LY75: variants seen among roughly 807,000 people sequenced by gnomAD.
LY75 encodes the protein lymphocyte antigen 75.
A neutral mutation model predicts 231.7 loss-of-function variants in LY75; 185 were observed. The observed-to-expected ratio is 0.80, with a 90% CI of 0.71 to 0.90. LY75 has a LOEUF of 0.90. Among genes scored for constraint, LY75 ranks in the 40% least tolerant of loss-of-function variants. The pLI is 0.00. For missense variants in LY75, 1,947 were observed against 2,050.2 expected (o/e 0.95, Z 0.97); for synonymous variants, 668 against 689.0 (o/e 0.97, Z 0.48).
intron 28 of LY75, among the ~76,000 whole-genome samples, chr2:159,825,949 C>T (rs887625615): frequency 1.3e-5 from 2 of 152,096 alleles, no homozygotes; most frequent in Admixed American, 6.6e-5. Context: ...ATTGATGGAA[C>T]GTATCTCAAA....
intron 6 of LY75, 123 bp from the exon 7 acceptor site, chr2:159,882,438 C>A: frequency 1.5e-6 from 2 of 1,331,554 alleles, no homozygotes; most frequent in Non-Finnish European, 2.0e-6. Context: ...ATGTCAGATG[C>A]TACGGTGACA....
In LY75 at chr2:159,904,655, G is replaced by A; in HGVS notation, c.28C>T (p.Arg10Cys). ...AGCAGCATGAGGAGCCCCGCCGGGC[G>A]GCGAGGGGTCGCCCAGCCTGTCCTC... MRTGWATPR[R>C]PAGLLMLLFW... is the part of the protein sequence containing the mutation. Residue 10 changes from arginine (R) to cysteine (C), a missense_variant, in exon 1 of 35, where the codon CGC (arginine) becomes TGC (cysteine). Transcript: ENST00000263636. The A allele has an allele frequency of 1.3e-6, 2 of 1,491,190 alleles. No individual in the cohort carries two copies. The highest frequency in any genetic ancestry group is 1.8e-6 in the Non-Finnish European group (2 of 1,123,402). 92.4% of individuals were successfully genotyped at this position (1,491,190 alleles called of 1,614,324 possible).
rs1408430652 is a variant in LY75 at position 159,898,999 on chromosome 2, C to T, written c.155G>A (p.Gly52Asp). The change falls in exon 2 of 35, where the codon GGC (glycine) becomes GAC (aspartate). Residue 52 changes from glycine to aspartate, a missense_variant. Transcript: ENST00000263636. ...NTGKCIKPVY[G>D]WIVADDCDET... is the part of the protein sequence containing the mutation. ...ATCACAGTCGTCTGCTACTATCCAGCCATACACTGGCTTGATGCACTTGCC... is the reference window on the plus strand; with the variant it reads ...ATCACAGTCGTCTGCTACTATCCAGTCATACACTGGCTTGATGCACTTGCC... The T allele has an allele frequency of 4.3e-6, 7 of 1,614,228 alleles. No individual in the cohort carries two copies. The highest frequency in any genetic ancestry group is 5.9e-6 in the Non-Finnish European group (7 of 1,180,034).
intron 4 of LY75, among the ~76,000 whole-genome samples, chr2:159,889,802 G>A (rs1685697392): frequency 6.6e-6 from 1 of 152,032 alleles, no homozygotes; most frequent in African/African-American, 2.4e-5. Context: ...TTGCCCCTGA[G>A]GACTGTACCC....
At chr2:159,879,409 T>C (rs367769601) in intron 8 of LY75, 40 bp from the exon 9 acceptor site, 4 of 1,610,204 alleles carry the variant, frequency 2.5e-6, no homozygotes, top group Non-Finnish European at 3.4e-6. Context: ...GAAAGGAAAT[T>C]ATTTACCGCA....
intron 27 of LY75, among the ~76,000 whole-genome samples, chr2:159,833,797 G>A (rs923648453): frequency 1.3e-5 from 2 of 152,044 alleles, no homozygotes; most frequent in East Asian, 1.9e-4. Context: ...GGTTTTTCCC[G>A]TGCTGTTCTC....
At chr2:159,858,009 A>G (rs1684595752) in intron 16 of LY75, among the ~76,000 whole-genome samples, 1 of 152,166 alleles carries the variant, frequency 6.6e-6, no homozygotes, top group Non-Finnish European at 1.5e-5. Context: ...TCTTCCCAAG[A>G]TTATCTTTAT....
intron 28 of LY75, among the ~76,000 whole-genome samples, chr2:159,821,912 G>T (rs892611820): frequency 6.6e-6 from 1 of 152,166 alleles, no homozygotes; most frequent in African/African-American, 2.4e-5. Flanking sequence ...GTGGGGCATT[G>T]CCTCACCTGT....
rs1392549642 is a variant in LY75 at position 159,858,289 on chromosome 2, C to T, written c.2383+73G>A. 1.9e-6 allele frequency: 3 copies of T among 1,538,900 alleles called. No homozygotes were observed. The East Asian group carries it at 6.9e-5, about 35-fold the overall frequency. ...ATCAGAATTATAGATCAAAATGCTC[C>T]CCTAGCTACTTTGAGCTAGGCATTC... is the stretch of plus-strand genomic sequence containing the variant. On this transcript the variant is annotated intron_variant, in intron 16 of 34. Transcript: ENST00000263636.
intron 25 of LY75, among the ~76,000 whole-genome samples, chr2:159,840,463 T>G (rs1333397281): frequency 6.6e-6 from 1 of 152,036 alleles, no homozygotes; most frequent in Non-Finnish European, 1.5e-5. Context: ...TCCCAGATAC[T>G]CAAGAGGCTG....
chr2:159,842,473 A>G, intron 23 of LY75, 99 bp from the exon 24 acceptor site: 1 of 1,376,188 alleles, frequency 7.3e-7, no homozygotes, highest in Non-Finnish European at 9.5e-7. Flanking sequence ...GTCCCCCTAT[A>G]AAAGAATTCC....
rs1171811709 is a variant in LY75, at chr2:159,874,516, GTAC to G, written c.1974+925_1974+927del. Among the ~76,000 whole-genome samples the G allele has an allele frequency of 7.8e-3, 357 of 45,478 alleles. 52 individuals carry two copies. The Middle Eastern group carries it at 0.11, about 14-fold the overall frequency. 29.8% of individuals were successfully genotyped at this position (45,478 alleles called of 152,430 possible). A position where few individuals can be genotyped will look rare whatever the true frequency, so the allele number is the denominator to read the frequency against. Reference sequence around the variant, plus strand: ...ATATTTTGTAAATCTATATAAATATGTACATATTTTGTAAATCTATATAAATAT... The same window carrying G: ...ATATTTTGTAAATCTATATAAATATGATATTTTGTAAATCTATATAAATAT... On this transcript the variant is annotated intron_variant, in intron 12 of 34. Transcript: ENST00000263636.
rs1682751853 is a variant in LY75, at chr2:159,805,064, G to A, written c.5149C>T (p.Leu1717Phe). The A allele has an allele frequency of 6.2e-7, 1 of 1,613,726 alleles. No individual in the cohort carries two copies. The highest frequency in any genetic ancestry group is 8.5e-7 in the Non-Finnish European group (1 of 1,179,832). Residue 1717 changes from leucine (L) to phenylalanine (F), a missense_variant, in exon 35 of 35, where the codon CTT (leucine) becomes TTT (phenylalanine). Physicochemically the swap from Leu to Phe is conservative, Grantham distance 22. Transcript: ENST00000263636. ...AQGVNEDEIM[L>F]PSFHD ...AGAATTTAGTCATGGAAAGAAGGAA[G>A]CATAATCTCATCTTCATTCACTCCT... is the stretch of plus-strand genomic sequence containing the variant.
At chr2:159,900,557 T>C (rs570633214) in intron 1 of LY75, among the ~76,000 whole-genome samples, 7 of 152,352 alleles carry the variant, frequency 4.6e-5, no homozygotes, top group Non-Finnish European at 8.8e-5. Flanking sequence ...CAGATGCTTT[T>C]CCTAGTAATA....
chr2:159,806,200 C>G (rs1321431621), intron 34 of LY75, among the ~76,000 whole-genome samples: 1 of 152,096 alleles, frequency 6.6e-6, no homozygotes. Flanking sequence ...GTTTACTTAT[C>G]TTTCTTCACC....
At chr2:159,844,520 T>C (rs1426064793) in intron 23 of LY75, among the ~76,000 whole-genome samples, 2 of 152,070 alleles carry the variant, frequency 1.3e-5, no homozygotes, top group Non-Finnish European at 2.9e-5. Context: ...CTACTACTGC[T>C]CCTGGTATTT....
At position 159,858,362 on chromosome 2, in the gene LY75, C is replaced by G. The variant is rs1452171201; in HGVS notation, c.2383G>C (p.Gly795Arg). ...KLEWVCQIPKGRTPKTPDWYN... is the reference protein window; with the variant it reads ...KLEWVCQIPKRRTPKTPDWYN... ...GTGAAAAGGAATAACTACCACTTACCTTTTGGAATTTGGCACACCCATTCA... is the reference window on the plus strand; with the variant it reads ...GTGAAAAGGAATAACTACCACTTACGTTTTGGAATTTGGCACACCCATTCA... Residue 795 changes from glycine to arginine, a missense_variant and splice_region_variant, in exon 16 of 35, where the codon GGC becomes CGC. Coordinates refer to ENST00000263636, the MANE Select transcript of LY75 (RefSeq NM_002349.4). The G allele has an allele frequency of 1.2e-6, 2 of 1,612,460 alleles. No homozygotes were observed. The highest frequency in any genetic ancestry group is 2.2e-5 in the East Asian group (1 of 44,810).
At chr2:159,862,271 G>A (rs1442365570) in intron 14 of LY75, among the ~76,000 whole-genome samples, 7 of 132,724 alleles carry the variant, frequency 5.3e-5, no homozygotes, top group African/African-American at 1.9e-4. Context: ...TAGCCTGGGC[G>A]ACAGAGTGAG....
At chr2:159,884,239 CT>C (rs1343466263) in intron 6 of LY75, among the ~76,000 whole-genome samples, 1 of 152,188 alleles carries the variant, frequency 6.6e-6, no homozygotes, top group African/African-American at 2.4e-5. Flanking sequence ...CATTAAACCT[CT>C]TTTTCTTCCC....
Sources: allele counts gnomAD v4.1 joint callset (sites outside exome capture counted in the v4.1 genomes callset), GRCh38; gene constraint gnomAD v4.1.1; transcripts MANE v1.5; gene names NCBI Gene and HGNC (gene_info 2026-07-23, HGNC 2026-07-21).